RBM27: variants seen among roughly 807,000 people sequenced by gnomAD.
RBM27 encodes RNA binding motif protein 27, also known as RNA-binding protein 27.
In RBM27, 22 loss-of-function variants were observed where a neutral mutation model predicts 135.3. The ratio of observed to expected loss-of-function variants is 0.16; its 90% CI spans 0.12 to 0.23. The LOEUF is 0.23. RBM27 is among the 10% of genes least tolerant of loss of function. RBM27 has a pLI of 1.00. For synonymous variants in RBM27, 481 were observed against 442.4 expected (o/e 1.09, Z -1.10); for missense variants, 1,009 against 1,281.0 (o/e 0.79, Z 3.24).
intron 1 of RBM27, among the ~76,000 whole-genome samples, chr5:146,204,984 G>C (rs1248338098): frequency 1.3e-5 from 2 of 151,990 alleles, no homozygotes; most frequent in Admixed American, 6.6e-5. Context: ...TGCAACCTCC[G>C]CCTCCCGGGT....
intron 8 of RBM27, among the ~76,000 whole-genome samples, chr5:146,241,507 A>C (rs554043333): frequency 3.0e-4 from 45 of 152,330 alleles, no homozygotes; most frequent in African/African-American, 1.1e-3. Context: ...TTTTTGAGAC[A>C]GTCTTACTCT....
intron 8 of RBM27, 96 bp from the exon 9 acceptor site, chr5:146,251,615 C>A: frequency 8.3e-7 from 1 of 1,204,126 alleles, no homozygotes; most frequent in East Asian, 2.4e-5. Context: ...GGTTTAATTT[C>A]TCTGTTTTTG....
intron 7 of RBM27, among the ~76,000 whole-genome samples, chr5:146,234,167 G>C (rs1401672991): frequency 6.6e-6 from 1 of 152,094 alleles, no homozygotes; most frequent in African/African-American, 2.4e-5. Flanking sequence ...ACCATGCCTG[G>C]CCAGGAAAGC....
At chr5:146,263,692 T>A in intron 14 of RBM27, 61 bp downstream of exon 14, 10 of 1,563,124 alleles carry the variant, frequency 6.4e-6, no homozygotes, top group Admixed American at 3.5e-5. Context: ...ACAGAATAAA[T>A]CAGTTATCAT....
intron 10 of RBM27, among the ~76,000 whole-genome samples, chr5:146,256,091 G>C (rs1758088670): frequency 6.6e-6 from 1 of 151,022 alleles, no homozygotes; most frequent in African/African-American, 2.4e-5. Flanking sequence ...CCTGACCTGA[G>C]GTTATCCACC....
intron 8 of RBM27, among the ~76,000 whole-genome samples, chr5:146,249,696 A>G (rs1381802438): frequency 2.0e-5 from 3 of 146,668 alleles, no homozygotes; most frequent in Non-Finnish European, 4.6e-5. Context: ...AAAAAAAAAA[A>G]AAAAAGAAAA....
chr5:146,257,741 T>C (rs960962538), intron 10 of RBM27, among the ~76,000 whole-genome samples: 1 of 152,206 alleles, frequency 6.6e-6, no homozygotes, highest in Admixed American at 6.5e-5. Flanking sequence ...AGGCAAATAA[T>C]GTCCATTAAT....
intron 14 of RBM27, among the ~76,000 whole-genome samples, chr5:146,265,547 T>C (rs1291960983): frequency 6.6e-6 from 1 of 152,190 alleles, no homozygotes. Context: ...ATTCTGAAAG[T>C]AATTATAAAG....
intron 1 of RBM27, among the ~76,000 whole-genome samples, chr5:146,213,227 C>CGAGTA (rs1756043951): frequency 6.6e-6 from 1 of 151,976 alleles, no homozygotes; most frequent in Non-Finnish European, 1.5e-5. Context: ...CTCAGCCTCC[C>CGAGTA]GAGTAGCTGG....
intron 15 of RBM27, among the ~76,000 whole-genome samples, chr5:146,268,020 T>G (rs1487669512): frequency 6.6e-6 from 1 of 152,192 alleles, no homozygotes; most frequent in Non-Finnish European, 1.5e-5. Flanking sequence ...CTTTTTTTAA[T>G]TCCTAGGTAG....
At chr5:146,245,944 C>T (rs1485635440) in intron 8 of RBM27, among the ~76,000 whole-genome samples, 1 of 152,162 alleles carries the variant, frequency 6.6e-6, no homozygotes, top group African/African-American at 2.4e-5. Context: ...AGGCTTTCTC[C>T]CCCTTGTATT....
At chr5:146,215,673 A>G (rs1256144171) in intron 1 of RBM27, among the ~76,000 whole-genome samples, 1 of 152,086 alleles carries the variant, frequency 6.6e-6, no homozygotes, top group African/African-American at 2.4e-5. Context: ...TTTTCTCATT[A>G]TTCTCAGGGG....
chr5:146,215,843 C>A (rs936376617), intron 1 of RBM27, among the ~76,000 whole-genome samples: 3 of 151,204 alleles, frequency 2.0e-5, no homozygotes, highest in Non-Finnish European at 3.0e-5. Flanking sequence ...CTCTGCCTCC[C>A]GGGTTCAAGT....
chr5:146,264,985 A>C (rs997464671), intron 14 of RBM27, among the ~76,000 whole-genome samples: 1 of 152,194 alleles, frequency 6.6e-6, no homozygotes, highest in Admixed American at 6.5e-5. Context: ...TGAGATTTAG[A>C]TGCTGATTGA....
intron 8 of RBM27, among the ~76,000 whole-genome samples, chr5:146,247,413 A>G (rs1757675944): frequency 6.6e-6 from 1 of 152,316 alleles, no homozygotes; most frequent in Non-Finnish European, 1.5e-5. Context: ...ATATTTCTCA[A>G]TTGTATCATA....
intron 8 of RBM27, among the ~76,000 whole-genome samples, chr5:146,246,191 A>G (rs1488716285): frequency 6.6e-6 from 1 of 152,152 alleles, no homozygotes; most frequent in Non-Finnish European, 1.5e-5. Context: ...GGGAAGATGT[A>G]GCTTTTTATT....
At chr5:146,276,422 T>A (rs1382465492) in intron 19 of RBM27, among the ~76,000 whole-genome samples, 1 of 152,144 alleles carries the variant, frequency 6.6e-6, no homozygotes, top group Non-Finnish European at 1.5e-5. Flanking sequence ...TCGTTATAAT[T>A]TTTATGTTCT....
chr5:146,267,650 T>C lies in RBM27; in HGVS notation c.2333T>C (p.Ile778Thr). The C allele has an allele frequency of 6.6e-7, 1 of 1,526,158 alleles. No individual in the cohort carries two copies. Among genetic ancestry groups the C allele is most frequent in the Non-Finnish European group, 8.9e-7 (1 of 1,124,354 alleles). The allele number at this position is 1,526,158 out of a possible 1,614,324, so 94.5% of individuals were successfully genotyped here. A position where few individuals can be genotyped will look rare whatever the true frequency, so the allele number is the denominator to read the frequency against. Residue 778 changes from isoleucine to threonine, a missense_variant and splice_region_variant, in exon 15 of 21, where the codon ATA (isoleucine) becomes ACA (threonine). Physicochemically the swap from Ile to Thr is moderately conservative, Grantham distance 89. Transcript: ENST00000265271. ...QSGGAGEDCQ[I>T]FSTPGHPKMI... ...TTTTTTTTTTTCTTTATTTTTTAGA[T>C]ATTTTCAACTCCAGGCCATCCAAAA... is the stretch of plus-strand genomic sequence containing the variant.
At position 146,286,809 on chromosome 5, in the gene RBM27, G is replaced by C. The variant is rs1046882582; in HGVS notation, c.*779G>C. 9.9e-5 allele frequency: 15 copies of C among 152,102 alleles called. No homozygotes were observed. Among genetic ancestry groups the C allele is most frequent in the Non-Finnish European group, 1.3e-4 (9 of 68,028 alleles). The allele number at this position is 152,102 out of a possible 1,614,324, so 9.4% of individuals were successfully genotyped here. On this transcript the variant is annotated 3_prime_UTR_variant, in exon 21 of 21. Coordinates refer to ENST00000265271, the MANE Select transcript of RBM27 (RefSeq NM_018989.2). ...ATTTTTATAACTCAGAATGTAAAAG[G>C]CTTTCACCTATTGCCCCTTTCTCGT...
Sources: allele counts gnomAD v4.1 joint callset (sites outside exome capture counted in the v4.1 genomes callset), GRCh38; gene constraint gnomAD v4.1.1; transcripts MANE v1.5; gene names NCBI Gene and HGNC (gene_info 2026-07-23, HGNC 2026-07-21).